PEX7: variants seen among roughly 807,000 people sequenced by gnomAD.
The protein encoded by PEX7 is peroxisomal biogenesis factor 7.
In PEX7, 34 loss-of-function variants were observed where a neutral mutation model predicts 47.5. The observed-to-expected ratio is 0.72, with a 90% confidence interval of 0.54 to 0.95. PEX7 has a LOEUF of 0.95. PEX7 is among the 40% of genes least tolerant of loss of function. PEX7 has a pLI of 0.00. For missense variants in PEX7, 394 were observed against 400.3 expected, an observed-to-expected ratio of 0.98 and a Z score of 0.13; for synonymous variants, 141 against 148.8, an observed-to-expected ratio of 0.95 and a Z score of 0.38.
At chr6:136,825,708 A>AT (rs1353695762) in intron 2 of PEX7, among the ~76,000 whole-genome samples, 2 of 151,820 alleles carry the variant, frequency 1.3e-5, no homozygotes, top group Non-Finnish European at 1.5e-5. Context: ...TAATTTTTGT[A>AT]TTTTTTAGTA....
Position 136,845,671 on chromosome 6 carries a change from A to G in PEX7, c.396A>G (p.Ser132=), listed in dbSNP as rs1774583856. The change falls in exon 4 of 10, where the codon TCA becomes TCG. Residue 132 remains serine (S), a synonymous_variant. Transcript: ENST00000318471. ...TRGEQLVVSG[S]WDQTVKLWDP... ...GTGAACAGCTTGTGGTGTCTGGCTC[A>G]TGGGATCAAACTGTCAAATTGGTAT... 6.2e-7 allele frequency: 1 copy of G among 1,607,390 alleles called. No individual in the cohort carries two copies. Among genetic ancestry groups the G allele is most frequent in the Non-Finnish European group, 8.5e-7 (1 of 1,173,848 alleles).
intron 3 of PEX7, among the ~76,000 whole-genome samples, chr6:136,835,969 G>A (rs1478567976): frequency 6.6e-6 from 1 of 152,190 alleles, no homozygotes; most frequent in Non-Finnish European, 1.5e-5. Flanking sequence ...CATGACTGCT[G>A]CTACTATATC....
At chr6:136,855,156 C>G (rs1214646697) in intron 5 of PEX7, among the ~76,000 whole-genome samples, 1 of 151,290 alleles carries the variant, frequency 6.6e-6, no homozygotes, top group Non-Finnish European at 1.5e-5. Context: ...GCTGGGAGCT[C>G]TAATTGGCAA....
chr6:136,823,768 T>C (rs1023343337), intron 1 of PEX7, among the ~76,000 whole-genome samples: 1 of 152,086 alleles, frequency 6.6e-6, no homozygotes, highest in African/African-American at 2.4e-5. Flanking sequence ...CGCATGCCTG[T>C]AATCCCAGCT....
intron 5 of PEX7, chr6:136,855,766 T>C: frequency 5.1e-6 from 2 of 392,858 alleles, no homozygotes; most frequent in Non-Finnish European, 9.9e-6. Context: ...AAAAAGGATA[T>C]TTCGTTTGCC....
intron 9 of PEX7, 133 bp from the exon 10 acceptor site, chr6:136,913,323 CTA>C (rs1327421355): frequency 1.4e-6 from 1 of 700,806 alleles, no homozygotes; most frequent in South Asian, 1.6e-5. Context: ...AAACGTAGCC[CTA>C]TGTTTTCCCT....
At chr6:136,887,419 G>A (rs1292455995) in intron 8 of PEX7, among the ~76,000 whole-genome samples, 1 of 151,854 alleles carries the variant, frequency 6.6e-6, no homozygotes, top group African/African-American at 2.4e-5. Flanking sequence ...CCCATATCTG[G>A]CACTCAGAAT....
chr6:136,871,219 TTA>T (rs369149729), intron 7 of PEX7, among the ~76,000 whole-genome samples: 1 of 152,272 alleles, frequency 6.6e-6, no homozygotes, highest in African/African-American at 2.4e-5. Context: ...TCAAATGTAG[TTA>T]TATATGTGTA....
chr6:136,863,367 A>G (rs371596812), intron 5 of PEX7, among the ~76,000 whole-genome samples: 8 of 152,248 alleles, frequency 5.3e-5, no homozygotes, highest in African/African-American at 1.9e-4. Flanking sequence ...ACTCTCATCT[A>G]TCAAAGTGGT....
At chr6:136,871,938 A>T (rs984600557) in intron 7 of PEX7, among the ~76,000 whole-genome samples, 2 of 152,148 alleles carry the variant, frequency 1.3e-5, no homozygotes, top group Admixed American at 6.6e-5. Context: ...GGAATATTTT[A>T]TTCTAAATAA....
chr6:136,867,212 TTTAAAGCTTCAG>T (rs1775087604), intron 6 of PEX7, among the ~76,000 whole-genome samples: 2 of 152,228 alleles, frequency 1.3e-5, no homozygotes. Context: ...GTGCAACTTT[TTTAAAGCTTCAG>T]TTAACCACAT....
intron 3 of PEX7, among the ~76,000 whole-genome samples, chr6:136,843,960 T>A (rs1287496155): frequency 6.6e-6 from 1 of 152,180 alleles, no homozygotes; most frequent in African/African-American, 2.4e-5. Flanking sequence ...TTTTTAAAAA[T>A]AAAAATTAAT....
chr6:136,822,711 G>A lies in PEX7; in HGVS notation c.46G>A (p.Gly16Arg), dbSNP rs1774098770. Residue 16 changes from glycine to arginine, a missense_variant, in exon 1 of 10, where the codon GGA becomes AGA. Physicochemically the swap from Gly to Arg is moderately radical, Grantham distance 125. Coordinates refer to ENST00000318471, the MANE Select transcript of PEX7 (RefSeq NM_000288.4). ...AGCGGCGCGGATGCTGCGGACGCCG[G>A]GACGCCACGGCTACGCCGCCGAGTT... ...GGAARMLRTP[G>R]RHGYAAEFSP... is the part of the protein sequence containing the mutation. 2 of 1,516,880 alleles carry A rather than the reference G, an allele frequency of 1.3e-6. No individual in the cohort carries two copies. Among genetic ancestry groups the A allele is most frequent in the Non-Finnish European group, 1.8e-6 (2 of 1,139,322 alleles). 94.0% of individuals were successfully genotyped at this position (1,516,880 alleles called of 1,614,324 possible).
At chr6:136,852,224 G>T (rs1253862769) in intron 5 of PEX7, among the ~76,000 whole-genome samples, 2 of 152,090 alleles carry the variant, frequency 1.3e-5, no homozygotes, top group African/African-American at 4.8e-5. Context: ...GGAAGCACTG[G>T]AAGCATTCCC....
At chr6:136,866,816 A>T in intron 6 of PEX7, 83 bp downstream of exon 6, 1 of 1,196,372 alleles carries the variant, frequency 8.4e-7, no homozygotes. Context: ...GTTTATGTGG[A>T]CTTTGGTGGT....
rs2115121885 is a variant in PEX7 at position 136,822,613 on chromosome 6, A to G, written c.-53A>G. On this transcript the variant is annotated 5_prime_UTR_variant, in exon 1 of 10. Coordinates refer to ENST00000318471, the MANE Select transcript of PEX7 (RefSeq NM_000288.4). ...CTCTAACCGCGCCAGTGTGCCTCCG[A>G]CTCGGAACGGCTTCCGCGGCCGGGG... 1 of 1,492,748 alleles carries G rather than the reference A, an allele frequency of 6.7e-7. No individual in the cohort carries two copies. The highest frequency in any genetic ancestry group is 9.0e-7 in the Non-Finnish European group (1 of 1,112,304). 92.5% of individuals were successfully genotyped at this position (1,492,748 alleles called of 1,614,324 possible).
chr6:136,898,428 T>A (rs761343424), intron 9 of PEX7, among the ~76,000 whole-genome samples, 187 bp downstream of exon 9: 3 of 152,246 alleles, frequency 2.0e-5, no homozygotes, highest in Non-Finnish European at 2.9e-5. Context: ...CTTGAAAGAC[T>A]GATTTCCCTG....
At chr6:136,873,490 A>G (rs1344682328) in intron 8 of PEX7, among the ~76,000 whole-genome samples, 2 of 152,140 alleles carry the variant, frequency 1.3e-5, no homozygotes, top group African/African-American at 4.8e-5. Context: ...ACTCAGTAGC[A>G]ATGTTTGAGA....
intron 3 of PEX7, among the ~76,000 whole-genome samples, chr6:136,833,695 GA>G (rs1774335407): frequency 2.0e-5 from 3 of 152,184 alleles, no homozygotes; most frequent in Non-Finnish European, 1.5e-5. Flanking sequence ...TGATTGTACA[GA>G]AAAATAGTTT....
Sources: allele counts gnomAD v4.1 joint callset (sites outside exome capture counted in the v4.1 genomes callset), GRCh38; gene constraint gnomAD v4.1.1; transcripts MANE v1.5; gene names NCBI Gene and HGNC (gene_info 2026-07-23, HGNC 2026-07-21).